DNER: variants seen among roughly 807,000 people sequenced by gnomAD.
DNER encodes the protein delta/notch like EGF repeat containing.
In DNER, 33 loss-of-function variants were observed where a neutral mutation model predicts 78.2. The observed-to-expected ratio is 0.42, with a 90% CI of 0.32 to 0.56. The LOEUF (loss-of-function observed/expected upper bound fraction) is 0.56, where lower values mean the gene tolerates loss of function less well. Among genes scored for constraint, DNER ranks in the 20% least tolerant of loss-of-function variants. The pLI, the probability that DNER is intolerant of heterozygous loss-of-function variation, is 0.11. For missense variants in DNER, 918 were observed against 975.3 expected (o/e 0.94, Z 0.78); for synonymous variants, 417 against 384.8 (o/e 1.08, Z -0.98).
At chr2:229,670,629 G>A (rs1341483703) in intron 1 of DNER, among the ~76,000 whole-genome samples, 2 of 152,190 alleles carry the variant, frequency 1.3e-5, no homozygotes, top group Non-Finnish European at 2.9e-5. Flanking sequence ...TCAAAACTTT[G>A]TCTATAAATG....
chr2:229,441,235 A>T (rs1165307694), intron 8 of DNER, among the ~76,000 whole-genome samples: 2 of 152,010 alleles, frequency 1.3e-5, no homozygotes, highest in Non-Finnish European at 2.9e-5. Flanking sequence ...ACTCATTGGA[A>T]ATTCTGAACT....
chr2:229,391,263 A>C (rs1048228335), intron 10 of DNER, among the ~76,000 whole-genome samples: 3 of 152,192 alleles, frequency 2.0e-5, no homozygotes, highest in African/African-American at 7.2e-5. Flanking sequence ...TTCTCAATCA[A>C]TATTCGTTTT....
At chr2:229,514,663 T>A (rs4973212) in intron 5 of DNER, among the ~76,000 whole-genome samples, 2 of 151,990 alleles carry the variant, frequency 1.3e-5, no homozygotes, top group East Asian at 3.9e-4. Flanking sequence ...ATACTTCTAG[T>A]GCCTTCCATT....
At chr2:229,374,225 C>T (rs776390729) in intron 11 of DNER, among the ~76,000 whole-genome samples, 33 of 151,028 alleles carry the variant, frequency 2.2e-4, no homozygotes, top group South Asian at 4.2e-4. Context: ...CAACAATAGA[C>T]ATTAGGGACT....
intron 1 of DNER, among the ~76,000 whole-genome samples, chr2:229,688,558 A>C (rs988946815): frequency 3.3e-5 from 5 of 152,180 alleles, no homozygotes; most frequent in African/African-American, 1.2e-4. Context: ...TGATTTTTTC[A>C]AGATCTTGGC....
At position 229,714,500 on chromosome 2, in the gene DNER, C is replaced by G; in HGVS notation, c.-77G>C. Reference sequence around the variant, plus strand: ...GCGGTGGCAGTGGCGACGAGAGCTGCGAGAGCGACGGTGGCGGCTAGGGCT... The same window carrying G: ...GCGGTGGCAGTGGCGACGAGAGCTGGGAGAGCGACGGTGGCGGCTAGGGCT... On this transcript the variant is annotated 5_prime_UTR_variant, in exon 1 of 13. Coordinates refer to ENST00000341772, the MANE Select transcript of DNER (RefSeq NM_139072.4). The G allele has an allele frequency of 9.3e-7, 1 of 1,072,500 alleles. No individual in the cohort carries two copies. The highest frequency in any genetic ancestry group is 6.9e-5 in the East Asian group (1 of 14,458). The allele number at this position is 1,072,500 out of a possible 1,614,324, so 66.4% of individuals were successfully genotyped here.
chr2:229,684,585 T>C (rs188774591), intron 1 of DNER, among the ~76,000 whole-genome samples: 2 of 152,232 alleles, frequency 1.3e-5, no homozygotes, highest in Non-Finnish European at 2.9e-5. Context: ...CCTCAGACTT[T>C]ACGTACCTCA....
intron 8 of DNER, among the ~76,000 whole-genome samples, chr2:229,445,469 G>A (rs1391647454): frequency 6.6e-6 from 1 of 152,230 alleles, no homozygotes; most frequent in African/African-American, 2.4e-5. Context: ...CTAGGCCATG[G>A]TTCTTAGATA....
intron 5 of DNER, among the ~76,000 whole-genome samples, chr2:229,545,821 A>T (rs2154213176): frequency 6.6e-6 from 1 of 152,292 alleles, no homozygotes; most frequent in South Asian, 2.1e-4. Context: ...TTAATGTGTC[A>T]TCTCATCCAT....
At chr2:229,494,535 C>T (rs1414353352) in intron 6 of DNER, among the ~76,000 whole-genome samples, 1 of 152,226 alleles carries the variant, frequency 6.6e-6, no homozygotes, top group Non-Finnish European at 1.5e-5. Context: ...TGATGCTGTG[C>T]CCTCCAGGCC....
intron 6 of DNER, among the ~76,000 whole-genome samples, chr2:229,506,755 G>A (rs906995339): frequency 1.3e-5 from 2 of 149,840 alleles, no homozygotes; most frequent in Non-Finnish European, 2.9e-5. Flanking sequence ...ACCTATGAGT[G>A]AGAACATGCG....
chr2:229,692,407 C>T (rs1699594284), intron 1 of DNER, among the ~76,000 whole-genome samples: 1 of 152,204 alleles, frequency 6.6e-6, no homozygotes, highest in East Asian at 1.9e-4. Context: ...CTCACTCAAA[C>T]ACAGATATTA....
chr2:229,380,855 G>C (rs1470604555), intron 11 of DNER, among the ~76,000 whole-genome samples: 2 of 152,052 alleles, frequency 1.3e-5, no homozygotes, highest in Non-Finnish European at 1.5e-5. Flanking sequence ...AACCGAGGAG[G>C]CAGAGGTTGC....
chr2:229,608,356 A>T (rs1281698836), intron 1 of DNER, among the ~76,000 whole-genome samples: 1 of 152,218 alleles, frequency 6.6e-6, no homozygotes, highest in East Asian at 1.9e-4. Context: ...GTTGCAACAG[A>T]CATGTGACCC....
intron 8 of DNER, among the ~76,000 whole-genome samples, chr2:229,438,823 T>C (rs1214284913): frequency 6.6e-6 from 1 of 152,236 alleles, no homozygotes; most frequent in East Asian, 1.9e-4. Context: ...TCTATGCGTA[T>C]AACAAAATTA....
intron 1 of DNER, among the ~76,000 whole-genome samples, chr2:229,627,936 T>G (rs576117683): frequency 3.1e-4 from 47 of 152,278 alleles, no homozygotes; most frequent in South Asian, 2.1e-3. Context: ...CCACACATCC[T>G]CTTCTGCTGA....
At chr2:229,658,643 C>A (rs1698952908) in intron 1 of DNER, among the ~76,000 whole-genome samples, 1 of 151,900 alleles carries the variant, frequency 6.6e-6, no homozygotes, top group South Asian at 2.1e-4. Context: ...TATTTTCCAA[C>A]TGCCCATCTG....
intron 5 of DNER, among the ~76,000 whole-genome samples, chr2:229,541,918 T>C (rs1424080214): frequency 6.8e-6 from 1 of 147,192 alleles, no homozygotes; most frequent in African/African-American, 2.5e-5. Context: ...ATATTTATAT[T>C]TATAAATTAT....
chr2:229,630,479 AAAT>A (rs200043673), intron 1 of DNER, among the ~76,000 whole-genome samples: 10,517 of 138,938 alleles, frequency 0.076, 406 homozygotes, highest in South Asian at 0.13. Context: ...CTCCATCTCA[AAAT>A]AATAATAATA....
Sources: allele counts gnomAD v4.1 joint callset (sites outside exome capture counted in the v4.1 genomes callset), GRCh38; gene constraint gnomAD v4.1.1; transcripts MANE v1.5; gene names NCBI Gene and HGNC (gene_info 2026-07-23, HGNC 2026-07-21).